NEMP2: variants seen among roughly 807,000 people sequenced by gnomAD.
The protein encoded by NEMP2 is UPF0571 transmembrane protein.
Under a neutral mutation model 54.2 loss-of-function variants are expected in NEMP2, and 53 were observed. The ratio of observed to expected loss-of-function variants is 0.98; its 90% confidence interval spans 0.78 to 1.23. NEMP2 has a LOEUF of 1.23. NEMP2 is among the 50% of genes most tolerant of loss of function. The pLI is 0.00. For missense variants in NEMP2, 455 were observed against 511.3 expected, an observed-to-expected ratio of 0.89 and a Z score of 1.06; for synonymous variants, 197 against 190.3, an observed-to-expected ratio of 1.04 and a Z score of -0.29.
rs529771642 is a variant in NEMP2, at chr2:190,513,823, G to A, written c.953+630C>T. On this transcript the variant is annotated intron_variant, in intron 7 of 8. Transcript: ENST00000409150. The surrounding 1 kb of genome is among the most constrained non-coding windows in gnomAD (Gnocchi z 5.3). Reference sequence around the variant, plus strand: ...CAAGTCTCCATTTTAATACTTAAAAGAGATAGAAATGTATGCCTATGTCTA... The same window carrying A: ...CAAGTCTCCATTTTAATACTTAAAAAAGATAGAAATGTATGCCTATGTCTA... Among the ~76,000 whole-genome samples the A allele has an allele frequency of 8.5e-5, 13 of 152,276 alleles. No individual in the cohort carries two copies. In the South Asian group the frequency reaches 2.7e-3, roughly 32 times the overall value.
the NEMP2 span, among the ~76,000 whole-genome samples, chr2:190,601,874 T>C: frequency 2.0e-5 from 3 of 152,322 alleles, no homozygotes; most frequent in African/African-American, 7.2e-5. This position sits in a 1 kb window ranked among gnomAD's most constrained non-coding sequence, Gnocchi z 5.8. Context: ...TTAAGTAGCT[T>C]GCTGCATAGT....
In NEMP2 at chr2:190,521,477, C is replaced by A. The variant is rs111675858; in HGVS notation, c.214-2294G>T. 6.6e-6 allele frequency among the ~76,000 whole-genome samples: 1 copy of A among 152,194 alleles called. No homozygotes were observed. The highest frequency in any genetic ancestry group is 2.4e-5 in the African/African-American group (1 of 41,442). ...CCCAGCAGCAGTTCTTCCCTCTCTA[C>A]GAGATTATTTCTCTCAGCATACAAC... On this transcript the variant is annotated intron_variant, in intron 2 of 8. Coordinates refer to ENST00000409150, the MANE Select transcript of NEMP2 (RefSeq NM_001142645.2). The surrounding 1 kb of genome is among the most constrained non-coding windows in gnomAD (Gnocchi z 6.2).
the NEMP2 span, among the ~76,000 whole-genome samples, chr2:190,612,261 T>C: frequency 6.6e-6 from 1 of 151,272 alleles, no homozygotes; most frequent in South Asian, 2.1e-4. Context: ...GTTCAAGCGA[T>C]TCTTCTGCCT....
At chr2:190,615,431 A>T in the NEMP2 span, among the ~76,000 whole-genome samples, 1 of 152,342 alleles carries the variant, frequency 6.6e-6, no homozygotes, top group African/African-American at 2.4e-5. The surrounding 1 kb of genome is among the most constrained non-coding windows in gnomAD (Gnocchi z 4.7). Flanking sequence ...GATGGAAGAG[A>T]TGCCCAGGGC....
the NEMP2 span, chr2:190,436,874 A>G: frequency 6.2e-7 from 1 of 1,614,234 alleles, no homozygotes; most frequent in Non-Finnish European, 8.5e-7. The surrounding 1 kb of genome is among the most constrained non-coding windows in gnomAD (Gnocchi z 5.3). Context: ...TATGATCAAC[A>G]AGAAGTTGAA....
the NEMP2 span, among the ~76,000 whole-genome samples, chr2:190,566,729 GGAAA>G: frequency 7.9e-5 from 11 of 138,540 alleles, no homozygotes; most frequent in South Asian, 4.7e-4. Context: ...AAAGAAAGAA[GGAAA>G]GAAAGAAAAG....
At chr2:190,448,072 A>C in the NEMP2 span, among the ~76,000 whole-genome samples, 1 of 152,068 alleles carries the variant, frequency 6.6e-6, no homozygotes, top group Non-Finnish European at 1.5e-5. Flanking sequence ...GTACTTGCTG[A>C]GTTAAAGAGA....
At chr2:190,464,938 T>C in the NEMP2 span, 1 of 981,566 alleles carries the variant, frequency 1.0e-6, no homozygotes, top group East Asian at 1.1e-4. Flanking sequence ...TTTAGCCATA[T>C]TATAGTTGGT....
chr2:190,491,065 G>C, the NEMP2 span, among the ~76,000 whole-genome samples: 1 of 152,090 alleles, frequency 6.6e-6, no homozygotes, highest in Non-Finnish European at 1.5e-5. The surrounding 1 kb of genome is among the most constrained non-coding windows in gnomAD (Gnocchi z 4.2). Flanking sequence ...TGTATTTTGA[G>C]AAAAATGTAT....
chr2:190,441,246 G>A, the NEMP2 span, among the ~76,000 whole-genome samples: 4 of 152,114 alleles, frequency 2.6e-5, no homozygotes, highest in South Asian at 2.1e-4. Flanking sequence ...GTCTGTTCTC[G>A]TGTCTTCTAC....
At chr2:190,561,608 C>T in the NEMP2 span, among the ~76,000 whole-genome samples, 1 of 152,120 alleles carries the variant, frequency 6.6e-6, no homozygotes. This position sits in a 1 kb window ranked among gnomAD's most constrained non-coding sequence, Gnocchi z 5.4. Flanking sequence ...CAAATATAGT[C>T]CCATTCAGAA....
chr2:190,608,768 G>T, the NEMP2 span: 8 of 152,130 alleles, frequency 5.3e-5, no homozygotes, highest in African/African-American at 1.4e-4. This position sits in a 1 kb window ranked among gnomAD's most constrained non-coding sequence, Gnocchi z 4.9. Context: ...AGAACAATGG[G>T]ATATTTTGAA....
At chr2:190,538,867 G>A (rs180703239), upstream of NEMP2, among the ~76,000 whole-genome samples, 77 of 152,064 alleles carry the variant, frequency 5.1e-4, no homozygotes, top group African/African-American at 1.7e-3. This position sits in a 1 kb window ranked among gnomAD's most constrained non-coding sequence, Gnocchi z 4.1. Flanking sequence ...TATTAATCTC[G>A]GTCAGACAAG....
chr2:190,596,022 A>C, the NEMP2 span, among the ~76,000 whole-genome samples: 1 of 152,174 alleles, frequency 6.6e-6, no homozygotes, highest in Admixed American at 6.5e-5. This position sits in a 1 kb window ranked among gnomAD's most constrained non-coding sequence, Gnocchi z 5.1. Context: ...ATGATAGACT[A>C]GATAAAGAAA....
chr2:190,462,649 C>T, the NEMP2 span, among the ~76,000 whole-genome samples: 3 of 151,948 alleles, frequency 2.0e-5, no homozygotes, highest in South Asian at 2.1e-4. The surrounding 1 kb of genome is among the most constrained non-coding windows in gnomAD (Gnocchi z 5.7). Flanking sequence ...AGAGGAACAG[C>T]GGGGGACAGG....
the NEMP2 span, chr2:190,437,267 G>A: frequency 1.2e-6 from 2 of 1,614,116 alleles, no homozygotes; most frequent in Non-Finnish European, 1.7e-6. The surrounding 1 kb of genome is among the most constrained non-coding windows in gnomAD (Gnocchi z 5.9). Flanking sequence ...CAGGTGGAAA[G>A]GAACAACTCT....
At chr2:190,451,862 C>G in the NEMP2 span, among the ~76,000 whole-genome samples, 5 of 152,224 alleles carry the variant, frequency 3.3e-5, no homozygotes, top group Non-Finnish European at 7.3e-5. The surrounding 1 kb of genome is among the most constrained non-coding windows in gnomAD (Gnocchi z 5.0). Flanking sequence ...GGTGATATAA[C>G]TGATTTCTGC....
the NEMP2 span, chr2:190,488,727 G>A: frequency 6.2e-7 from 1 of 1,609,804 alleles, no homozygotes; most frequent in African/African-American, 1.3e-5. The surrounding 1 kb of genome is among the most constrained non-coding windows in gnomAD (Gnocchi z 6.4). Flanking sequence ...CTGAGCTGAG[G>A]ACATCTGCTC....
the NEMP2 span, among the ~76,000 whole-genome samples, chr2:190,475,317 C>T: frequency 2.0e-5 from 3 of 152,150 alleles, no homozygotes; most frequent in Non-Finnish European, 4.4e-5. Flanking sequence ...TAGAAAACCC[C>T]ATCGTCTCAG....
Sources: gnomAD v4.1 joint callset for allele counts (sites outside exome capture counted in the v4.1 genomes callset) on GRCh38, gnomAD v4.1.1 for gene constraint, Gnocchi (gnomAD v3.1) non-coding constraint, MANE v1.5 for transcripts, NCBI Gene and HGNC (gene_info 2026-07-23, HGNC 2026-07-21) for gene names.